IMP3: variants seen among roughly 807,000 people sequenced by gnomAD.
IMP3 encodes U3 small nucleolar ribonucleoprotein IMP3.
IMP3 carries 17 observed loss-of-function variants against 10.2 expected under a neutral mutation model. The ratio of observed to expected loss-of-function variants is 1.67; its 90% confidence interval spans 1.14 to 2.50. The LOEUF (loss-of-function observed/expected upper bound fraction) is 2.50. Among genes scored for constraint, IMP3 ranks in the 30% most tolerant of loss-of-function variants. IMP3 has a pLI of 0.00. For synonymous variants in IMP3, 167 were observed against 120.1 expected (o/e 1.39, Z -2.55); for missense variants, 290 against 260.2 (o/e 1.11, Z -0.79).
Position 75,639,827 on chromosome 15 carries a change from C to T in IMP3, c.342G>A (p.Val114=). 1.2e-6 allele frequency: 2 copies of T among 1,611,034 alleles called. No individual in the cohort carries two copies. The highest frequency in any genetic ancestry group is 1.7e-6 in the Non-Finnish European group (2 of 1,179,052). ...SSFCRRRLPT[V]LLKLRMAQHL... ...GCTGCGCCATGCGCAGCTTGAGGAG[C>T]ACGGTGGGGAGGCGGCGGCGGCAGA... Residue 114 remains valine, a synonymous_variant, in exon 1 of 1, where the codon GTG becomes GTA. Transcript: ENST00000403490.
rs896188323 is a variant in IMP3 at position 75,640,081 on chromosome 15, CGTGCAGGTT to C, written c.79_87del (p.Asn27_His29del). The C allele has an allele frequency of 1.2e-6, 2 of 1,608,566 alleles. No individual in the cohort carries two copies. Among genetic ancestry groups the C allele is most frequent in the Non-Finnish European group, 1.7e-6 (2 of 1,178,082 alleles). ...CGGTAACGCCGCAGCACGCGCAGCT[CGTGCAGGTT>C]GTGGTCGGTGACCTCCCAGTTCAGG... On this transcript the variant is annotated inframe_deletion, in exon 1 of 1. Transcript: ENST00000403490.
In IMP3 at chr15:75,640,003, G is replaced by A; in HGVS notation, c.166C>T (p.Arg56Cys). The A allele has an allele frequency of 1.9e-6, 3 of 1,601,344 alleles. No homozygotes were observed. The highest frequency in any genetic ancestry group is 1.7e-6 in the Non-Finnish European group (2 of 1,174,900). Residue 56 changes from arginine to cysteine, a missense_variant, in exon 1 of 1, where the codon CGT becomes TGT. Coordinates refer to ENST00000403490, the MANE Select transcript of IMP3 (RefSeq NM_018285.4). Reference protein sequence around the residue: ...TRYNQLSRAVRELARRLRDLP... With the variant: ...TRYNQLSRAVCELARRLRDLP... ...TCGCGCAGGCGCCGCGCCAGCTCAC[G>A]CACGGCACGGCTCAGCTGGTTGTAG...
rs1180763630 is a variant in IMP3, at chr15:75,639,761, T to A, written c.408A>T (p.Val136=). The A allele has an allele frequency of 6.2e-7, 1 of 1,613,252 alleles. No homozygotes were observed. Among genetic ancestry groups the A allele is most frequent in the Non-Finnish European group, 8.5e-7 (1 of 1,180,004 alleles). Residue 136 remains valine, a synonymous_variant, in exon 1 of 1, where the codon GTA becomes GTT. Transcript: ENST00000403490. ...AAVAFVEQGH[V]RVGPDVVTDP... ...CGGTAACCACGTCAGGGCCCACGCG[T>A]ACGTGCCCTTGCTCCACAAAGGCCA... is the stretch of plus-strand genomic sequence containing the variant.
In IMP3 at chr15:75,639,725, G is replaced by A. The variant is rs1328475204; in HGVS notation, c.444C>T (p.Phe148=). The A allele has an allele frequency of 6.2e-7, 1 of 1,613,808 alleles. No homozygotes were observed. Among genetic ancestry groups the A allele is most frequent in the Non-Finnish European group, 8.5e-7 (1 of 1,180,048 alleles). ...AGTCCTCCATGCTGCGCGTGACAAG[G>A]AAGGCGGGGTCGGTAACCACGTCAG... ...VGPDVVTDPA[F]LVTRSMEDFV... is the part of the protein sequence containing the mutation. The change falls in exon 1 of 1, where the codon TTC becomes TTT. Residue 148 remains phenylalanine (F), a synonymous_variant. Coordinates refer to ENST00000403490, the MANE Select transcript of IMP3 (RefSeq NM_018285.4).
In IMP3 at chr15:75,639,453, G is replaced by T. The variant is rs1566964166; in HGVS notation, c.*161C>A. ...AGAACATTCCCTGGAAAACAAGGAC[G>T]CACCTCCCGTGGCTCTATGCATGGC... On this transcript the variant is annotated 3_prime_UTR_variant, in exon 1 of 1. Coordinates refer to ENST00000403490, the MANE Select transcript of IMP3 (RefSeq NM_018285.4). 6 of 615,996 alleles carry T rather than the reference G, an allele frequency of 9.7e-6. No homozygotes were observed. The highest frequency in any genetic ancestry group is 1.7e-5 in the Non-Finnish European group (6 of 354,008). 38.2% of individuals were successfully genotyped at this position (615,996 alleles called of 1,614,324 possible). A position where few individuals can be genotyped will look rare whatever the true frequency, so the allele number is the denominator to read the frequency against.
Position 75,639,609 on chromosome 15 carries a change from A to G in IMP3, c.*5T>C. 6.2e-7 allele frequency: 1 copy of G among 1,613,044 alleles called. No homozygotes were observed. The highest frequency in any genetic ancestry group is 8.5e-7 in the Non-Finnish European group (1 of 1,179,554). ...AAAAGACAGCCATGCAAAGTGGGAG[A>G]TCCGCTAGGCTTCCAGATCGAAGTC... is the stretch of plus-strand genomic sequence containing the variant. On this transcript the variant is annotated 3_prime_UTR_variant, in exon 1 of 1. Transcript: ENST00000403490.
In IMP3 at chr15:75,640,002, C is replaced by G. The variant is rs746369854; in HGVS notation, c.167G>C (p.Arg56Pro). 5.2e-5 allele frequency: 84 copies of G among 1,601,568 alleles called. No homozygotes were observed. In the African/African-American group the frequency reaches 1.1e-3, roughly 20 times the overall value. ...TRYNQLSRAV[R>P]ELARRLRDLP... ...GTCGCGCAGGCGCCGCGCCAGCTCA[C>G]GCACGGCACGGCTCAGCTGGTTGTA... is the stretch of plus-strand genomic sequence containing the variant. The change falls in exon 1 of 1, where the codon CGT becomes CCT. Residue 56 changes from arginine to proline, a missense_variant. Physicochemically the swap from Arg to Pro is moderately radical, Grantham distance 103. Transcript: ENST00000403490.
chr15:75,639,944 A>G lies in IMP3; in HGVS notation c.225T>C (p.Ala75=). ...ACAGCTTGTCCAGCAGCGCGGCCGA[A>G]GCGCGCACGCGGAACTGGTCGCGTT... is the stretch of plus-strand genomic sequence containing the variant. ...LPERDQFRVR[A]SAALLDKLYA... The change falls in exon 1 of 1, where the codon GCT becomes GCC. Residue 75 remains alanine (A), a synonymous_variant. Transcript: ENST00000403490. 6.2e-7 allele frequency: 1 copy of G among 1,606,948 alleles called. No individual in the cohort carries two copies. The highest frequency in any genetic ancestry group is 8.5e-7 in the Non-Finnish European group (1 of 1,177,296).
At position 75,639,949 on chromosome 15, in the gene IMP3, G is replaced by C; in HGVS notation, c.220C>G (p.Arg74Gly). ...TTGTCCAGCAGCGCGGCCGAAGCGC[G>C]CACGCGGAACTGGTCGCGTTCGGGC... ...DLPERDQFRV[R>G]ASAALLDKLY... The change falls in exon 1 of 1, where the codon CGC (arginine) becomes GGC (glycine). Residue 74 changes from arginine to glycine, a missense_variant. Arg to Gly is a moderately radical substitution (Grantham distance 125). Transcript: ENST00000403490. The C allele has an allele frequency of 6.2e-7, 1 of 1,606,286 alleles. No homozygotes were observed. The highest frequency in any genetic ancestry group is 8.5e-7 in the Non-Finnish European group (1 of 1,177,008).
rs1893398835 is a variant in IMP3, at chr15:75,639,819, T to C, written c.350A>G (p.Lys117Arg). 1.2e-6 allele frequency: 2 copies of C among 1,611,276 alleles called. No individual in the cohort carries two copies. The highest frequency in any genetic ancestry group is 2.7e-5 in the African/African-American group (2 of 74,854). The change falls in exon 1 of 1, where the codon AAG becomes AGG. Residue 117 changes from lysine (K) to arginine (R), a missense_variant. Transcript: ENST00000403490. ...CRRRLPTVLL[K>R]LRMAQHLQAA... ...CTGAAGGTGCTGCGCCATGCGCAGCTTGAGGAGCACGGTGGGGAGGCGGCG... is the reference window on the plus strand; with the variant it reads ...CTGAAGGTGCTGCGCCATGCGCAGCCTGAGGAGCACGGTGGGGAGGCGGCG...
Position 75,639,280 on chromosome 15 carries a change from G to A in IMP3, c.*334C>T, listed in dbSNP as rs981521242. 6.0e-6 allele frequency: 2 copies of A among 332,754 alleles called. No homozygotes were observed. Among genetic ancestry groups the A allele is most frequent in the South Asian group, 5.8e-5 (2 of 34,558 alleles). The allele number at this position is 332,754 out of a possible 1,614,324, so 20.6% of individuals were successfully genotyped here. On this transcript the variant is annotated 3_prime_UTR_variant, in exon 1 of 1. Coordinates refer to ENST00000403490, the MANE Select transcript of IMP3 (RefSeq NM_018285.4). ...ACCAGTCCAACCACAAGACGATAAA[G>A]GGAAACAGGGCGTGGGGATTTCCAG...
Position 75,639,239 on chromosome 15 carries a change from G to C in IMP3, c.*375C>G, listed in dbSNP as rs1022794519. On this transcript the variant is annotated 3_prime_UTR_variant, in exon 1 of 1. Transcript: ENST00000403490. ...TAACCACGGCCAGGAGCAAGAATTC[G>C]AGTTAAACGAATTGAACCAGTCCAA... 3.9e-6 allele frequency: 1 copy of C among 259,618 alleles called. No homozygotes were observed. The highest frequency in any genetic ancestry group is 2.3e-5 in the African/African-American group (1 of 43,136). The allele number at this position is 259,618 out of a possible 1,614,324, so 16.1% of individuals were successfully genotyped here.
Position 75,639,887 on chromosome 15 carries a change from C to G in IMP3, c.282G>C (p.Ser94=). ...CCGTGACGAAGTCGCAGAGCTCCAG[C>G]GAACCGCGCGTGGGCACCAAGCCGA... ...YALGLVPTRG[S]LELCDFVTAS... is the part of the protein sequence containing the mutation. Residue 94 remains serine (S), a synonymous_variant, in exon 1 of 1, where the codon TCG becomes TCC. Transcript: ENST00000403490. 5.0e-6 allele frequency: 8 copies of G among 1,611,066 alleles called. No individual in the cohort carries two copies. Among genetic ancestry groups the G allele is most frequent in the Non-Finnish European group, 6.8e-6 (8 of 1,179,206 alleles).
rs1025938045 is a variant in IMP3, at chr15:75,639,195, C to A, written c.*419G>T. 47 of 182,848 alleles carry A rather than the reference C, an allele frequency of 2.6e-4. No individual in the cohort carries two copies. Among genetic ancestry groups the A allele is most frequent in the African/African-American group, 1.0e-3 (42 of 41,898 alleles). The allele number at this position is 182,848 out of a possible 1,614,324, so 11.3% of individuals were successfully genotyped here. A position where few individuals can be genotyped will look rare whatever the true frequency, so the allele number is the denominator to read the frequency against. ...TTATAAAAACTTGAGGCCAAACTCT[C>A]CATCATCTGTACACAGCTTAACCAC... On this transcript the variant is annotated 3_prime_UTR_variant, in exon 1 of 1. Coordinates refer to ENST00000403490, the MANE Select transcript of IMP3 (RefSeq NM_018285.4).
At position 75,639,743 on chromosome 15, in the gene IMP3, C is replaced by G; in HGVS notation, c.426G>C (p.Val142=). 1.1e-5 allele frequency: 18 copies of G among 1,613,620 alleles called. No individual in the cohort carries two copies. In the South Asian group the frequency reaches 1.9e-4, roughly 17 times the overall value. Residue 142 remains valine (V), a synonymous_variant, in exon 1 of 1, where the codon GTG becomes GTC. Transcript: ENST00000403490. The part of the protein sequence containing the change: ...EQGHVRVGPD[V]VTDPAFLVTR... ...TGACAAGGAAGGCGGGGTCGGTAAC[C>G]ACGTCAGGGCCCACGCGTACGTGCC...
chr15:75,640,196 C>A lies in IMP3; in HGVS notation c.-28G>T. On this transcript the variant is annotated 5_prime_UTR_variant, in exon 1 of 1. Coordinates refer to ENST00000403490, the MANE Select transcript of IMP3 (RefSeq NM_018285.4). ...TGGCGGCAGCCGCAGCCGCAGGACC[C>A]GAAGCTGAGAGCGCGTTCTGGCATC... 6.7e-7 allele frequency: 1 copy of A among 1,493,522 alleles called. No individual in the cohort carries two copies. Among genetic ancestry groups the A allele is most frequent in the South Asian group, 1.4e-5 (1 of 73,776 alleles). 92.5% of individuals were successfully genotyped at this position (1,493,522 alleles called of 1,614,324 possible).
rs1291760939 is a variant in IMP3 at position 75,639,396 on chromosome 15, C to T, written c.*218G>A. The T allele has an allele frequency of 1.8e-6, 1 of 570,246 alleles. No homozygotes were observed. The highest frequency in any genetic ancestry group is 3.3e-5 in the Admixed American group (1 of 30,180). The allele number at this position is 570,246 out of a possible 1,614,324, so 35.3% of individuals were successfully genotyped here. A position where few individuals can be genotyped will look rare whatever the true frequency, so the allele number is the denominator to read the frequency against. ...TTACTTCCCACTGTTTCCCAAGGCA[C>T]AGTCAATTAATAATCAGTAGTCCAA... On this transcript the variant is annotated 3_prime_UTR_variant, in exon 1 of 1. Coordinates refer to ENST00000403490, the MANE Select transcript of IMP3 (RefSeq NM_018285.4).
At position 75,640,149 on chromosome 15, in the gene IMP3, A is replaced by G. The variant is rs1380339272; in HGVS notation, c.20T>C (p.Phe7Ser). 6.5e-7 allele frequency: 1 copy of G among 1,548,388 alleles called. No homozygotes were observed. Among genetic ancestry groups the G allele is most frequent in the Non-Finnish European group, 8.7e-7 (1 of 1,143,674 alleles). ...CTGCTTCAGCAGCTTCTGCTCGTGG[A>G]ACTTAAGCTTCCGCACCATGATGGC... is the stretch of plus-strand genomic sequence containing the variant. MVRKLKFHEQKLLKQVD... is the reference protein window; with the variant it reads MVRKLKSHEQKLLKQVD... Residue 7 changes from phenylalanine (F) to serine (S), a missense_variant, in exon 1 of 1, where the codon TTC becomes TCC. Phe to Ser is a radical substitution (Grantham distance 155, BLOSUM62 -2). Transcript: ENST00000403490.
Position 75,639,605 on chromosome 15 carries a change from G to A in IMP3, c.*9C>T. On this transcript the variant is annotated 3_prime_UTR_variant, in exon 1 of 1. Transcript: ENST00000403490. ...CTGTAAAAGACAGCCATGCAAAGTG[G>A]GAGATCCGCTAGGCTTCCAGATCGA... 1.9e-6 allele frequency: 3 copies of A among 1,612,022 alleles called. No homozygotes were observed. Among genetic ancestry groups the A allele is most frequent in the Non-Finnish European group, 2.5e-6 (3 of 1,178,672 alleles).
Sources: gnomAD v4.1 joint callset for allele counts on GRCh38, gnomAD v4.1.1 for gene constraint, MANE v1.5 for transcripts, NCBI Gene and HGNC (gene_info 2026-07-23, HGNC 2026-07-21) for gene names.